The following RAD51B variants were observed in gnomAD, a reference collection of about 807,000 sequenced individuals.
RAD51B encodes RAD51 paralog B.
A neutral mutation model predicts 42.2 loss-of-function variants in RAD51B; 38 were observed. That is an observed-to-expected ratio of 0.90 (90% CI 0.70 to 1.18). RAD51B has a LOEUF of 1.18. RAD51B is among the 50% of genes most tolerant of loss of function. RAD51B has a pLI of 0.00. For missense variants in RAD51B, 373 were observed against 400.7 expected, an observed-to-expected ratio of 0.93 and a Z score of 0.59; for synonymous variants, 154 against 145.2, an observed-to-expected ratio of 1.06 and a Z score of -0.43.
chr14:68,301,298 A>G (rs1323481509), intron 8 of RAD51B, among the ~76,000 whole-genome samples: 4 of 152,200 alleles, frequency 2.6e-5, no homozygotes, highest in Non-Finnish European at 5.9e-5. Flanking sequence ...ATGAAGCTAG[A>G]AAAGCCTCAA....
chr14:68,645,882 C>T (rs1273001976), intron 10 of RAD51B, among the ~76,000 whole-genome samples: 2 of 151,920 alleles, frequency 1.3e-5, no homozygotes, highest in South Asian at 2.1e-4. Flanking sequence ...ATTTCTGCTG[C>T]ATTTTTGGTT....
intron 7 of RAD51B, among the ~76,000 whole-genome samples, chr14:68,214,729 C>T (rs1230073840): frequency 6.6e-6 from 1 of 152,180 alleles, no homozygotes; most frequent in African/African-American, 2.4e-5. Context: ...CATGGCACTT[C>T]ACAGAATAGA....
At chr14:67,843,191 G>C (rs1227003486) in intron 4 of RAD51B, among the ~76,000 whole-genome samples, 3 of 149,038 alleles carry the variant, frequency 2.0e-5, no homozygotes, top group Admixed American at 6.7e-5. Context: ...TAGGGTACAT[G>C]TGCACAACAT....
intron 7 of RAD51B, among the ~76,000 whole-genome samples, chr14:68,061,161 C>T (rs4902545): frequency 0.26 from 38,809 of 150,596 alleles, 6,479 homozygotes; most frequent in African/African-American, 0.48. Flanking sequence ...CTCTGCCTCC[C>T]GGGTTTGAGT....
At chr14:68,365,520 G>C (rs1245748115) in intron 8 of RAD51B, among the ~76,000 whole-genome samples, 1 of 152,234 alleles carries the variant, frequency 6.6e-6, no homozygotes, top group East Asian at 1.9e-4. Flanking sequence ...AGATGAGGCA[G>C]ATTAAAGTCT....
intron 10 of RAD51B, among the ~76,000 whole-genome samples, chr14:68,515,672 C>T (rs1327193502): frequency 6.6e-6 from 1 of 151,146 alleles, no homozygotes; most frequent in Non-Finnish European, 1.5e-5. Context: ...GTTTTAAACT[C>T]CTGGCCTCAA....
chr14:68,409,412 A>G (rs778094900), intron 8 of RAD51B, among the ~76,000 whole-genome samples: 2 of 152,230 alleles, frequency 1.3e-5, no homozygotes. Flanking sequence ...TTACTAATGT[A>G]CATTATTTTC....
At chr14:68,648,714 C>CACAG (rs1360424578) in intron 10 of RAD51B, among the ~76,000 whole-genome samples, 234 of 139,852 alleles carry the variant, frequency 1.7e-3, no homozygotes, top group African/African-American at 6.1e-3. Context: ...CACACACACA[C>CACAG]AGGGAAAAAC....
intron 8 of RAD51B, among the ~76,000 whole-genome samples, chr14:68,360,328 C>A (rs2082997272): frequency 6.6e-6 from 1 of 152,342 alleles, no homozygotes; most frequent in East Asian, 1.9e-4. Context: ...TCCTCCTGGC[C>A]ATAAAAGGCT....
chr14:68,638,849 A>G (rs942553488), intron 10 of RAD51B, among the ~76,000 whole-genome samples: 4 of 152,152 alleles, frequency 2.6e-5, no homozygotes, highest in African/African-American at 9.7e-5. Flanking sequence ...AGGGTTTCAT[A>G]TGGAGCTGGA....
At chr14:68,024,821 G>A (rs1389459846) in intron 7 of RAD51B, among the ~76,000 whole-genome samples, 1 of 151,868 alleles carries the variant, frequency 6.6e-6, no homozygotes, top group East Asian at 1.9e-4. Flanking sequence ...TTTCCTATTT[G>A]GATGCCTTTT....
Position 68,253,453 on chromosome 14 carries a change from A to G in RAD51B, c.757-38431A>G, listed in dbSNP as rs114229260. 6.5e-3 allele frequency among the ~76,000 whole-genome samples: 988 copies of G among 152,312 alleles called. 18 individuals carry two copies. The highest frequency in any genetic ancestry group is 0.022 in the African/African-American group (928 of 41,576). ...TGTGTGTTTTTGTATTGGCTTATAC[A>G]GTAAGGCTATTAACCTTTTGTCTCA... On this transcript the variant is annotated intron_variant, in intron 7 of 10. Transcript: ENST00000471583.
rs2082751750 is a variant in RAD51B at position 68,349,974 on chromosome 14, A to G, written c.853+57994A>G. Among the ~76,000 whole-genome samples, 5 of 152,372 alleles carry G rather than the reference A, an allele frequency of 3.3e-5. No homozygotes were observed. The South Asian group carries it at 8.3e-4, about 25-fold the overall frequency. On this transcript the variant is annotated intron_variant, in intron 8 of 10. Transcript: ENST00000471583. ...AGTTCAAAGTGTAGTCAGCAAAAAA[A>G]GCATACACGCTATCGCACTGGGAGG...
Position 68,668,939 on chromosome 14 carries a change from T to C in RAD51B, c.*11+18083T>C, listed in dbSNP as rs979283980. 2.0e-5 allele frequency among the ~76,000 whole-genome samples: 3 copies of C among 152,338 alleles called. No individual in the cohort carries two copies. The East Asian group carries it at 5.8e-4, about 29-fold the overall frequency. ...TTTTCCCGAAAGACCTTTTACAGCT[T>C]TGAGCTCATTAAGGAAAGAAAGAGG... On this transcript the variant is annotated intron_variant, in intron 11 of 11. Transcript: ENST00000488612.
At chr14:68,598,362 C>G (rs984363873), downstream of RAD51B, among the ~76,000 whole-genome samples, 2 of 152,218 alleles carry the variant, frequency 1.3e-5, no homozygotes, top group African/African-American at 4.8e-5. Context: ...GTCATTCCCC[C>G]TCCAGGAACT....
At chr14:68,634,292 A>G (rs575154448) in intron 10 of RAD51B, among the ~76,000 whole-genome samples, 22 of 152,296 alleles carry the variant, frequency 1.4e-4, no homozygotes, top group East Asian at 1.9e-4. Context: ...ACTGTTATCA[A>G]TGATTACTAG....
chr14:67,873,197 A>C (rs1482095172), intron 5 of RAD51B, among the ~76,000 whole-genome samples: 1 of 152,236 alleles, frequency 6.6e-6, no homozygotes, highest in African/African-American at 2.4e-5. Context: ...TCGTCTGACA[A>C]AGGGCTAATA....
intron 4 of RAD51B, among the ~76,000 whole-genome samples, chr14:67,852,123 G>A (rs1171733163): frequency 2.6e-5 from 4 of 152,182 alleles, no homozygotes; most frequent in South Asian, 2.1e-4. Flanking sequence ...AGTTACCTCC[G>A]GGAGCTCTGA....
intron 7 of RAD51B, among the ~76,000 whole-genome samples, chr14:68,207,410 C>T (rs2079614922): frequency 6.6e-6 from 1 of 152,138 alleles, no homozygotes; most frequent in Non-Finnish European, 1.5e-5. Flanking sequence ...TAGAGATGTT[C>T]AGCTTGCAGT....
Sources: allele counts gnomAD v4.1 joint callset (sites outside exome capture counted in the v4.1 genomes callset), GRCh38; gene constraint gnomAD v4.1.1; transcripts MANE v1.5; gene names NCBI Gene and HGNC (gene_info 2026-07-23, HGNC 2026-07-21).